Variants in GSG1L observed in about 807,000 individuals in gnomAD.
GSG1L encodes GSG1 like, also known as germ cell-specific gene 1-like protein.
GSG1L carries 24 observed loss-of-function variants against 42.1 expected under a neutral mutation model. That is an observed-to-expected ratio of 0.57 (90% CI 0.41 to 0.80). GSG1L has a LOEUF of 0.80. Among genes scored for constraint, GSG1L ranks in the 30% least tolerant of loss-of-function variants. GSG1L has a pLI of 0.00. For missense variants in GSG1L, 445 were observed against 472.2 expected (o/e 0.94, Z 0.53); for synonymous variants, 215 against 203.5 (o/e 1.06, Z -0.48).
At chr16:28,062,886 C>G (rs1256614987) in intron 1 of GSG1L, among the ~76,000 whole-genome samples, 190 bp downstream of exon 1, 1 of 152,002 alleles carries the variant, frequency 6.6e-6, no homozygotes, top group African/African-American at 2.4e-5. Context: ...CGCACGTCCC[C>G]CCATGCTGGT....
intron 1 of GSG1L, among the ~76,000 whole-genome samples, chr16:27,979,661 A>AAGAAAGAAAGAAAGAAAGAGAG (rs368394279): frequency 2.5e-4 from 17 of 67,716 alleles, no homozygotes; most frequent in South Asian, 1.9e-3. Flanking sequence ...GAAAGAAAGA[A>AAGAAAGAAAGAAAGAAAGAGAG]AGAGAGAGAG....
chr16:27,943,957 A>G (rs1313596427), intron 2 of GSG1L, among the ~76,000 whole-genome samples: 1 of 152,128 alleles, frequency 6.6e-6, no homozygotes, highest in Non-Finnish European at 1.5e-5. Context: ...ACCATACGTA[A>G]AGGAGTGGGA....
intron 4 of GSG1L, among the ~76,000 whole-genome samples, chr16:27,840,545 G>T (rs78199614): frequency 0.024 from 3,663 of 152,196 alleles, 66 homozygotes; most frequent in Non-Finnish European, 0.039. Flanking sequence ...CGCACTCACC[G>T]AGCAAACTCT....
chr16:28,049,702 G>A (rs1031749784), intron 1 of GSG1L, among the ~76,000 whole-genome samples: 2 of 145,368 alleles, frequency 1.4e-5, no homozygotes, highest in African/African-American at 5.2e-5. Context: ...AAAAAAAAAA[G>A]AAGAAGAAGT....
chr16:27,898,698 GTCTC>G (rs1210953195), intron 2 of GSG1L, among the ~76,000 whole-genome samples: 1 of 139,412 alleles, frequency 7.2e-6, no homozygotes, highest in African/African-American at 2.6e-5. Context: ...CTCTCTCTCT[GTCTC>G]TCTCTCTCTC....
At chr16:27,964,597 G>T (rs79243098) in intron 1 of GSG1L, among the ~76,000 whole-genome samples, 2 of 152,172 alleles carry the variant, frequency 1.3e-5, no homozygotes, top group African/African-American at 4.8e-5. Context: ...CCATAAAAAA[G>T]AATGAGATGC....
chr16:27,973,590 C>G (rs2085218251), intron 1 of GSG1L, among the ~76,000 whole-genome samples: 2 of 152,104 alleles, frequency 1.3e-5, no homozygotes, highest in East Asian at 3.9e-4. Flanking sequence ...ATGCAGGTAC[C>G]ATCACAGACT....
chr16:28,043,780 G>C (rs1245732363), intron 1 of GSG1L, among the ~76,000 whole-genome samples: 2 of 152,202 alleles, frequency 1.3e-5, no homozygotes, highest in East Asian at 1.9e-4. Flanking sequence ...CCAGCACTTT[G>C]GGAGGCCAAA....
intron 5 of GSG1L, among the ~76,000 whole-genome samples, chr16:27,812,964 G>A (rs1475351569): frequency 6.6e-6 from 1 of 151,998 alleles, no homozygotes; most frequent in African/African-American, 2.4e-5. Context: ...AGTTTTAGTA[G>A]AGACGGGGTT....
chr16:27,965,447 A>G (rs2085120747), intron 1 of GSG1L, among the ~76,000 whole-genome samples: 1 of 152,188 alleles, frequency 6.6e-6, no homozygotes, highest in African/African-American at 2.4e-5. Flanking sequence ...TTCTTCACCT[A>G]AAAGTTTCTT....
At chr16:27,914,649 G>A (rs968400019) in intron 2 of GSG1L, among the ~76,000 whole-genome samples, 2 of 151,080 alleles carry the variant, frequency 1.3e-5, no homozygotes, top group South Asian at 2.1e-4. Flanking sequence ...TCAACCTCCC[G>A]AGTAGCTGGG....
intron 6 of GSG1L, among the ~76,000 whole-genome samples, chr16:27,803,029 T>G (rs1196610353): frequency 2.0e-5 from 3 of 151,686 alleles, no homozygotes; most frequent in African/African-American, 7.3e-5. Context: ...CCCCTCAAAC[T>G]CCACACAGAC....
At chr16:28,044,409 T>A (rs2086141036) in intron 1 of GSG1L, among the ~76,000 whole-genome samples, 1 of 152,204 alleles carries the variant, frequency 6.6e-6, no homozygotes, top group Non-Finnish European at 1.5e-5. Context: ...TGTTCCTTGG[T>A]AGTTAGTTGG....
At chr16:28,039,666 C>A (rs541223459) in intron 1 of GSG1L, among the ~76,000 whole-genome samples, 1 of 152,056 alleles carries the variant, frequency 6.6e-6, no homozygotes, top group African/African-American at 2.4e-5. Context: ...CACGCACATG[C>A]ACACACGTAT....
chr16:27,966,544 G>C (rs1300393210), intron 1 of GSG1L, among the ~76,000 whole-genome samples: 1 of 152,088 alleles, frequency 6.6e-6, no homozygotes, highest in Non-Finnish European at 1.5e-5. Context: ...AAATGAGCAA[G>C]AGAATGAATA....
chr16:28,044,112 C>T (rs1228965785), intron 1 of GSG1L, among the ~76,000 whole-genome samples: 1 of 152,074 alleles, frequency 6.6e-6, no homozygotes, highest in African/African-American at 2.4e-5. Flanking sequence ...AGATACCAGG[C>T]CAATTAAAAA....
intron 2 of GSG1L, among the ~76,000 whole-genome samples, chr16:27,904,392 A>G (rs1044929033): frequency 1.3e-5 from 2 of 151,898 alleles, no homozygotes; most frequent in African/African-American, 4.8e-5. Context: ...CCTAAATGTC[A>G]CTTCTCAGTG....
intron 2 of GSG1L, among the ~76,000 whole-genome samples, chr16:27,934,683 C>T (rs144412860): frequency 9.8e-5 from 15 of 152,334 alleles, no homozygotes; most frequent in East Asian, 1.9e-4. Flanking sequence ...CAGCGTGCAG[C>T]GGCCCTGGGT....
chr16:27,904,748 GA>G (rs2084300493), intron 2 of GSG1L, among the ~76,000 whole-genome samples: 1 of 152,042 alleles, frequency 6.6e-6, no homozygotes, highest in East Asian at 1.9e-4. Flanking sequence ...ACCTCTGATG[GA>G]AACACGATTA....
Sources: allele counts gnomAD v4.1 joint callset (sites outside exome capture counted in the v4.1 genomes callset), GRCh38; gene constraint gnomAD v4.1.1; transcripts MANE v1.5; gene names NCBI Gene and HGNC (gene_info 2026-07-23, HGNC 2026-07-21).